ELAVL4: variants seen among roughly 807,000 people sequenced by gnomAD.
ELAVL4 encodes ELAV-like protein 4.
In ELAVL4, 1 loss-of-function variant was observed where a neutral mutation model predicts 35.6. That is an observed-to-expected ratio of 0.03 (90% CI 0.01 to 0.13). ELAVL4 has a LOEUF of 0.13. Ranked by LOEUF, ELAVL4 falls within the 10% of genes least tolerant of loss-of-function variation. The pLI, the probability that ELAVL4 is intolerant of heterozygous loss-of-function variation, is 1.00. For synonymous variants in ELAVL4, 156 were observed against 171.0 expected (o/e 0.91, Z 0.69); for missense variants, 267 against 464.9 (o/e 0.57, Z 3.91).
exon 1 of ELAVL4, chr1:50,048,119 C>T: frequency 1.3e-6 from 2 of 1,493,042 alleles, no homozygotes; most frequent in Non-Finnish European, 1.8e-6. Flanking sequence ...CGCGCTCCGC[C>T]CCACCCAGCC....
At chr1:50,179,695 A>G (rs1156879613) in intron 3 of ELAVL4, 1 of 152,218 alleles carries the variant, frequency 6.6e-6, no homozygotes, top group East Asian at 1.9e-4. Flanking sequence ...TCTCAGGACC[A>G]TCTAGTACAT....
intron 1 of ELAVL4, among the ~76,000 whole-genome samples, chr1:50,082,016 T>C (rs1016279917): frequency 6.6e-6 from 1 of 152,212 alleles, no homozygotes; most frequent in Non-Finnish European, 1.5e-5. Flanking sequence ...AACTCGTCCA[T>C]TTTTATGACT....
intron 1 of ELAVL4, among the ~76,000 whole-genome samples, chr1:50,059,245 A>G (rs1663835353): frequency 6.6e-6 from 1 of 152,210 alleles, no homozygotes; most frequent in African/African-American, 2.4e-5. Flanking sequence ...TAAAGTTTAA[A>G]AAATACTACA....
intron 1 of ELAVL4, among the ~76,000 whole-genome samples, chr1:50,055,200 A>G (rs1440654913): frequency 6.6e-6 from 1 of 152,212 alleles, no homozygotes; most frequent in East Asian, 1.9e-4. Flanking sequence ...GCCCAATAAT[A>G]GATATCCAGT....
At chr1:50,089,803 T>G (rs1665410408) in intron 1 of ELAVL4, among the ~76,000 whole-genome samples, 1 of 152,042 alleles carries the variant, frequency 6.6e-6, no homozygotes, top group South Asian at 2.1e-4. Context: ...ACCCTTTCTG[T>G]TTTTAGCGTG....
intron 1 of ELAVL4, among the ~76,000 whole-genome samples, chr1:50,050,930 T>A (rs1663333567): frequency 6.6e-6 from 1 of 152,170 alleles, no homozygotes; most frequent in African/African-American, 2.4e-5. Flanking sequence ...TACTGATACA[T>A]GCTAGCTGTT....
At chr1:50,061,469 A>G (rs962146351) in intron 1 of ELAVL4, among the ~76,000 whole-genome samples, 1 of 152,208 alleles carries the variant, frequency 6.6e-6, no homozygotes, top group African/African-American at 2.4e-5. Context: ...TAGATAACTC[A>G]CAGTAAGACC....
intron 2 of ELAVL4, chr1:50,174,581 G>A (rs1679654128): frequency 6.6e-6 from 1 of 150,512 alleles, no homozygotes; most frequent in South Asian, 2.1e-4. Flanking sequence ...ACACAGTTGT[G>A]CTAATTGCAG....
chr1:50,167,388 A>G (rs1272097731), intron 2 of ELAVL4, among the ~76,000 whole-genome samples: 1 of 152,178 alleles, frequency 6.6e-6, no homozygotes, highest in Non-Finnish European at 1.5e-5. Flanking sequence ...GAATCCATGG[A>G]TGGTAGTCTC....
At chr1:50,095,136 GT>G (rs1665666838) in intron 1 of ELAVL4, among the ~76,000 whole-genome samples, 1 of 152,180 alleles carries the variant, frequency 6.6e-6, no homozygotes, top group African/African-American at 2.4e-5. Flanking sequence ...CTTGAGTTCA[GT>G]GGAAGTGCTC....
chr1:50,077,062 G>T (rs114187046), intron 1 of ELAVL4, among the ~76,000 whole-genome samples: 7 of 151,702 alleles, frequency 4.6e-5, no homozygotes, highest in South Asian at 2.1e-4. Context: ...ATATATGTTA[G>T]ATACATGACC....
chr1:50,099,560 C>CAAAAAAAAAAAAAAAAAAAAAA (rs750905424), upstream of ELAVL4, among the ~76,000 whole-genome samples: 1 of 56,314 alleles, frequency 1.8e-5, no homozygotes, highest in African/African-American at 5.7e-5. Flanking sequence ...AACTCCGCCT[C>CAAAAAAAAAAAAAAAAAAAAAA]AAAAAAAAAA....
At chr1:50,192,105 C>T (rs148182520) in intron 3 of ELAVL4, among the ~76,000 whole-genome samples, 1 of 152,106 alleles carries the variant, frequency 6.6e-6, no homozygotes, top group Non-Finnish European at 1.5e-5. Context: ...CACACTGGGA[C>T]CCCCTATATA....
At chr1:50,138,528 C>T (rs1047428575) in intron 1 of ELAVL4, among the ~76,000 whole-genome samples, 3 of 151,588 alleles carry the variant, frequency 2.0e-5, no homozygotes, top group Non-Finnish European at 2.9e-5. Flanking sequence ...GGCGTGATCT[C>T]GGCTCACTGC....
In ELAVL4 at chr1:50,138,559, A is replaced by C. The variant is rs569044629; in HGVS notation, c.10-6398A>C. On this transcript the variant is annotated intron_variant, in intron 1 of 6. Transcript: ENST00000371824. ...ACTGCAACCACCGCCTTCCAGGTTC[A>C]AGTGATTCTCCTGCCTTAGCCTCCC... 9.9e-4 allele frequency among the ~76,000 whole-genome samples: 151 copies of C among 152,096 alleles called. 1 individual carries two copies. Among genetic ancestry groups the C allele is most frequent in the African/African-American group, 3.5e-3 (146 of 41,482 alleles).
At position 50,201,986 on chromosome 1, in the gene ELAVL4, AG is replaced by A. The variant is rs778785144; in HGVS notation, c.*812del. On this transcript the variant is annotated 3_prime_UTR_variant, in exon 7 of 7. Coordinates refer to ENST00000371824, the MANE Select transcript of ELAVL4 (RefSeq NM_001144774.3). The surrounding 1 kb of genome is among the most constrained non-coding windows in gnomAD (Gnocchi z 4.3). ...AAAAAATATTTTGACTGGCTAATTT[AG>A]GGGAAATTGACAACTTTGTCGCGTT... is the stretch of plus-strand genomic sequence containing the variant. 1.2e-4 allele frequency: 19 copies of A among 152,192 alleles called. No individual in the cohort carries two copies. Among genetic ancestry groups the A allele is most frequent in the Non-Finnish European group, 2.2e-4 (15 of 68,028 alleles). 9.4% of individuals were successfully genotyped at this position (152,192 alleles called of 1,614,324 possible). A position where few individuals can be genotyped will look rare whatever the true frequency, so the allele number is the denominator to read the frequency against.
intron 1 of ELAVL4, among the ~76,000 whole-genome samples, chr1:50,063,007 C>T (rs1224428912): frequency 6.6e-6 from 1 of 152,092 alleles, no homozygotes; most frequent in African/African-American, 2.4e-5. Flanking sequence ...AGTCTCTGTC[C>T]TCAAGAAGGT....
In ELAVL4 at chr1:50,150,625, G is replaced by A. The variant is rs375886607; in HGVS notation, c.250+5428G>A. ...GTCTATTGGGTTGAAGAGGAGAGGG[G>A]AGTGAGGGTTCTGGATTGTTTTAAT... On this transcript the variant is annotated intron_variant, in intron 2 of 6. Coordinates refer to ENST00000371824, the MANE Select transcript of ELAVL4 (RefSeq NM_001144774.3). Among the ~76,000 whole-genome samples, 9 of 152,260 alleles carry A rather than the reference G, an allele frequency of 5.9e-5. No individual in the cohort carries two copies. In the South Asian group the frequency reaches 1.5e-3, roughly 25 times the overall value.
rs558050217 is a variant in ELAVL4 at position 50,128,187 on chromosome 1, C to A, written c.10-16770C>A. 2.0e-5 allele frequency among the ~76,000 whole-genome samples: 3 copies of A among 152,212 alleles called. No homozygotes were observed. The East Asian group carries it at 5.8e-4, about 29-fold the overall frequency. On this transcript the variant is annotated intron_variant, in intron 1 of 6. Coordinates refer to ENST00000371824, the MANE Select transcript of ELAVL4 (RefSeq NM_001144774.3). ...CTATGTGGAGATGAAGAAACAAAGG[C>A]TGTAAACATGGCCTTACTTGGAAAA...
Sources: allele counts gnomAD v4.1 joint callset (sites outside exome capture counted in the v4.1 genomes callset), GRCh38; gene constraint gnomAD v4.1.1; non-coding constraint Gnocchi (gnomAD v3.1); transcripts MANE v1.5; gene names NCBI Gene and HGNC (gene_info 2026-07-23, HGNC 2026-07-21).